NDE1: variants seen among roughly 807,000 people sequenced by gnomAD.
The protein encoded by NDE1 is nuclear distribution protein nudE homolog 1.
NDE1 carries 28 observed loss-of-function variants against 43.4 expected under a neutral mutation model. The ratio of observed to expected loss-of-function variants is 0.65; its 90% confidence interval spans 0.48 to 0.89. The LOEUF (loss-of-function observed/expected upper bound fraction) is 0.89, where lower values mean the gene tolerates loss of function less well. NDE1 is among the 40% of genes least tolerant of loss of function. The pLI, the probability that NDE1 is intolerant of heterozygous loss-of-function variation, is 0.00. For synonymous variants in NDE1, 184 were observed against 172.0 expected, an observed-to-expected ratio of 1.07 and a Z score of -0.55; for missense variants, 441 against 434.1, an observed-to-expected ratio of 1.02 and a Z score of -0.14.
At chr16:15,679,939 C>T (rs557107932) in intron 4 of NDE1, among the ~76,000 whole-genome samples, 5 of 152,096 alleles carry the variant, frequency 3.3e-5, no homozygotes, top group East Asian at 1.9e-4. Context: ...TTACCACACC[C>T]GGCTAATTTT....
chr16:15,710,041 T>C (rs1160712804), intron 8 of NDE1, among the ~76,000 whole-genome samples: 1 of 152,224 alleles, frequency 6.6e-6, no homozygotes, highest in Non-Finnish European at 1.5e-5. Flanking sequence ...AGGGCTCTAG[T>C]GCCTGATTTT....
chr16:15,701,255 T>C (rs933008866), intron 8 of NDE1: 2 of 144,534 alleles, frequency 1.4e-5, no homozygotes, highest in African/African-American at 5.1e-5. Flanking sequence ...AAAAAAAAGG[T>C]GTCATAAACC....
At position 15,724,821 on chromosome 16, in the gene NDE1, G is replaced by A. The variant is rs1293684734; in HGVS notation, c.*570G>A. The A allele has an allele frequency of 6.2e-7, 1 of 1,613,662 alleles. No homozygotes were observed. The highest frequency in any genetic ancestry group is 8.5e-7 in the Non-Finnish European group (1 of 1,179,994). On this transcript the variant is annotated 3_prime_UTR_variant, in exon 9 of 9. Coordinates refer to ENST00000396354, the MANE Select transcript of NDE1 (RefSeq NM_017668.3). ...GCTCCTGCAAAAGGGATGCAAAGAG[G>A]TCCCAGGGACCTGCCCCGAGGAAGG...
intron 4 of NDE1, among the ~76,000 whole-genome samples, chr16:15,684,730 G>GT (rs1332140149): frequency 6.6e-6 from 1 of 152,050 alleles, no homozygotes. Flanking sequence ...TTTTTTCCTG[G>GT]TGGGTACCCA....
At chr16:15,690,511 C>A (rs192052046) in intron 5 of NDE1, among the ~76,000 whole-genome samples, 7 of 151,918 alleles carry the variant, frequency 4.6e-5, no homozygotes, top group Admixed American at 4.6e-4. Flanking sequence ...GCATGAGTCA[C>A]TGCTCCCGGG....
intron 5 of NDE1, 145 bp from the exon 6 acceptor site, chr16:15,690,999 G>T (rs2038720827): frequency 1.1e-6 from 1 of 888,516 alleles, no homozygotes; most frequent in African/African-American, 1.7e-5. Context: ...ATAGAGATGA[G>T]GTTTCACCAT....
intron 5 of NDE1, among the ~76,000 whole-genome samples, 165 bp downstream of exon 5, chr16:15,687,676 C>A (rs1024941021): frequency 1.3e-5 from 2 of 152,214 alleles, no homozygotes; most frequent in Non-Finnish European, 2.9e-5. Flanking sequence ...CAGACTCTTG[C>A]CTTGGGCCCT....
chr16:15,691,282 G>A lies in NDE1; in HGVS notation c.662G>A (p.Gly221Glu), dbSNP rs1157706195. ...CCGTCCACGCCCATTGCTCACCGAG[G>A]ACCCAGCTCAAGTTTAAACACACCT... ...SVPSTPIAHR[G>E]PSSSLNTPGS... Residue 221 changes from glycine to glutamate, a missense_variant, in exon 6 of 9, where the codon GGA becomes GAA. Transcript: ENST00000396354. The A allele has an allele frequency of 1.2e-6, 2 of 1,614,114 alleles. No homozygotes were observed. The highest frequency in any genetic ancestry group is 1.7e-5 in the Admixed American group (1 of 60,006).
At chr16:15,675,919 G>T (rs1443839749) in intron 3 of NDE1, among the ~76,000 whole-genome samples, 1 of 152,142 alleles carries the variant, frequency 6.6e-6, no homozygotes, top group Non-Finnish European at 1.5e-5. Flanking sequence ...GGCTAGTCAG[G>T]TCACTGAGCT....
At chr16:15,700,740 C>T (rs146272706) in intron 8 of NDE1, among the ~76,000 whole-genome samples, 4 of 152,000 alleles carry the variant, frequency 2.6e-5, no homozygotes, top group African/African-American at 7.2e-5. Context: ...CCTGAGCCAC[C>T]GTGCCTGGCC....
Position 15,650,245 on chromosome 16 carries a change from G to C in NDE1, c.-93G>C, listed in dbSNP as rs1333680894. 6.9e-6 allele frequency: 2 copies of C among 290,098 alleles called. No individual in the cohort carries two copies. The highest frequency in any genetic ancestry group is 2.7e-5 in the South Asian group (1 of 37,546). 18.0% of individuals were successfully genotyped at this position (290,098 alleles called of 1,614,324 possible). Reference sequence around the variant, plus strand: ...GAGGGCCGGGGCCGCACCGCCCTTCGCAGCCGCCTCTGCCGCCGCCGCCGC... The same window carrying C: ...GAGGGCCGGGGCCGCACCGCCCTTCCCAGCCGCCTCTGCCGCCGCCGCCGC... On this transcript the variant is annotated 5_prime_UTR_variant, in exon 1 of 9. Transcript: ENST00000396354.
chr16:15,680,037 C>T (rs545817488), intron 4 of NDE1, among the ~76,000 whole-genome samples: 42 of 152,260 alleles, frequency 2.8e-4, no homozygotes, highest in Non-Finnish European at 2.9e-4. Context: ...CCTCGGTCTC[C>T]GAAAGTGCTG....
intron 3 of NDE1, among the ~76,000 whole-genome samples, chr16:15,671,354 T>G (rs11649317): frequency 6.6e-6 from 1 of 151,872 alleles, no homozygotes; most frequent in South Asian, 2.1e-4. Flanking sequence ...AAAATAAAAA[T>G]AAAAAATTCA....
rs754187827 is a variant in NDE1, at chr16:15,719,204, C to T, written c.948-4987C>T. The T allele has an allele frequency of 5.6e-6, 9 of 1,612,120 alleles. No homozygotes were observed. The South Asian group carries it at 7.7e-5, about 14-fold the overall frequency. On this transcript the variant is annotated intron_variant, in intron 8 of 8. Coordinates refer to ENST00000396354, the MANE Select transcript of NDE1 (RefSeq NM_017668.3). The stretch of plus-strand genomic sequence containing the variant: ...TCCTCTGCTTCAGAGCCCTCTTCCT[C>T]CATTCAGTTTCCTACCTTCCCGACA...
At chr16:15,643,945 T>G (rs1445851777) in intron 1 of NDE1, 1 of 152,372 alleles carries the variant, frequency 6.6e-6, no homozygotes, top group African/African-American at 2.4e-5. Context: ...TCAAACACTT[T>G]GTGTTTTAGG....
chr16:15,673,673 C>T (rs1443598962), intron 3 of NDE1, among the ~76,000 whole-genome samples: 3 of 151,902 alleles, frequency 2.0e-5, no homozygotes, highest in Non-Finnish European at 4.4e-5. Context: ...GCTAGGACTG[C>T]AGGTGCATGC....
At chr16:15,707,380 A>C (rs2039514538) in intron 8 of NDE1, among the ~76,000 whole-genome samples, 1 of 152,150 alleles carries the variant, frequency 6.6e-6, no homozygotes, top group Non-Finnish European at 1.5e-5. Flanking sequence ...CTCGGGAATC[A>C]TCTTGAGTGT....
At chr16:15,690,136 C>T (rs1347710892) in intron 5 of NDE1, among the ~76,000 whole-genome samples, 1 of 151,532 alleles carries the variant, frequency 6.6e-6, no homozygotes, top group Non-Finnish European at 1.5e-5. Context: ...TGCTTGTCCC[C>T]CAGGCTCAAG....
At position 15,724,966 on chromosome 16, in the gene NDE1, C is replaced by A. The variant is rs2040677902; in HGVS notation, c.*715C>A. On this transcript the variant is annotated 3_prime_UTR_variant, in exon 9 of 9. Transcript: ENST00000396354. ...TGGCCTTCCCCTCGGCCTCGTTAAG[C>A]ATCCCTGTGACGCTCTCAACTTCAT... 6.2e-7 allele frequency: 1 copy of A among 1,614,108 alleles called. No individual in the cohort carries two copies. The highest frequency in any genetic ancestry group is 8.5e-7 in the Non-Finnish European group (1 of 1,180,032).
Sources: allele counts gnomAD v4.1 joint callset (sites outside exome capture counted in the v4.1 genomes callset), GRCh38; gene constraint gnomAD v4.1.1; transcripts MANE v1.5; gene names NCBI Gene and HGNC (gene_info 2026-07-23, HGNC 2026-07-21).